RORA: variants seen among roughly 807,000 people sequenced by gnomAD.
The protein encoded by RORA is nuclear receptor ROR-alpha.
In RORA, 7 loss-of-function variants were observed where a neutral mutation model predicts 69.5. The ratio of observed to expected loss-of-function variants is 0.10; its 90% CI spans 0.06 to 0.19. RORA has a LOEUF of 0.19. RORA is among the 10% of genes least tolerant of loss of function. The pLI is 1.00. For missense variants in RORA, 457 were observed against 663.0 expected (o/e 0.69, Z 3.41); for synonymous variants, 261 against 240.8 (o/e 1.08, Z -0.78).
intron 1 of RORA, among the ~76,000 whole-genome samples, chr15:60,987,423 G>T (rs1413551461): frequency 6.6e-6 from 1 of 152,182 alleles, no homozygotes; most frequent in East Asian, 1.9e-4. Context: ...AGGTTGACCA[G>T]ATCTGAGATG....
chr15:60,627,167 G>T, intron 2 of RORA: 1 of 1,363,806 alleles, frequency 7.3e-7, no homozygotes, highest in Non-Finnish European at 1.0e-6. Flanking sequence ...GCCAGACATT[G>T]GGTTGTGGGT....
chr15:60,984,164 C>G (rs558238417), intron 1 of RORA, among the ~76,000 whole-genome samples: 2 of 152,102 alleles, frequency 1.3e-5, no homozygotes, highest in Non-Finnish European at 2.9e-5. Context: ...TTCTGATTCA[C>G]TTTATAAGAA....
chr15:60,898,727 A>C (rs1435095661), intron 1 of RORA, among the ~76,000 whole-genome samples: 5 of 152,064 alleles, frequency 3.3e-5, no homozygotes, highest in Admixed American at 1.3e-4. Flanking sequence ...GGAGGCAGGA[A>C]AGGCAGAACT....
At chr15:60,589,148 G>A (rs1299376869) in intron 2 of RORA, among the ~76,000 whole-genome samples, 5 of 152,324 alleles carry the variant, frequency 3.3e-5, no homozygotes. Context: ...TCCCAGTGAA[G>A]GGATACCAGG....
At chr15:60,588,520 A>G (rs1044218070) in intron 2 of RORA, among the ~76,000 whole-genome samples, 1 of 151,922 alleles carries the variant, frequency 6.6e-6, no homozygotes, top group Non-Finnish European at 1.5e-5. Flanking sequence ...TATAAATATT[A>G]TTTTCCTAGA....
chr15:60,987,926 A>G (rs1464122983), intron 1 of RORA, among the ~76,000 whole-genome samples: 1 of 152,152 alleles, frequency 6.6e-6, no homozygotes, highest in Non-Finnish European at 1.5e-5. Flanking sequence ...CTCCACACAG[A>G]AGGGGCTCAA....
chr15:61,195,771 T>C (rs1194335485), intron 1 of RORA: 2 of 152,250 alleles, frequency 1.3e-5, no homozygotes, highest in Non-Finnish European at 2.9e-5. Flanking sequence ...CACTAGTCAA[T>C]GAGTCACAGC....
In RORA at chr15:61,040,002, G is replaced by A. The variant is rs181546957; in HGVS notation, c.166+189051C>T. On this transcript the variant is annotated intron_variant, in intron 1 of 10. Transcript: ENST00000335670. ...TTTGGTAAAGAATTTGGGCCATTTTGTTGATGGTAGTTTTCCAATTACATT... is the reference window on the plus strand; with the variant it reads ...TTTGGTAAAGAATTTGGGCCATTTTATTGATGGTAGTTTTCCAATTACATT... Among the ~76,000 whole-genome samples the A allele has an allele frequency of 2.9e-3, 437 of 150,010 alleles. 2 individuals are homozygous for A. Among genetic ancestry groups the A allele is most frequent in the African/African-American group, 0.01 (418 of 40,894 alleles).
chr15:60,917,043 C>T lies in RORA; in HGVS notation c.167-238357G>A, dbSNP rs566069599. 2.6e-5 allele frequency among the ~76,000 whole-genome samples: 4 copies of T among 152,286 alleles called. No homozygotes were observed. In the South Asian group the frequency reaches 8.3e-4, roughly 32 times the overall value. Reference sequence around the variant, plus strand: ...AATCAAGCCTTGAAGAAGTATCCGGCTTCCAGAGCCCAAAACCCTCAACAG... The same window carrying T: ...AATCAAGCCTTGAAGAAGTATCCGGTTTCCAGAGCCCAAAACCCTCAACAG... On this transcript the variant is annotated intron_variant, in intron 1 of 10. Coordinates refer to ENST00000335670, the MANE Select transcript of RORA (RefSeq NM_134261.3).
chr15:60,607,082 G>A (rs960566796), intron 2 of RORA, among the ~76,000 whole-genome samples: 1 of 152,076 alleles, frequency 6.6e-6, no homozygotes, highest in African/African-American at 2.4e-5. Flanking sequence ...GCTCATAGGC[G>A]CAAAGAGAGA....
chr15:60,975,640 T>TTTCTGGGGCCCTCCAC (rs1246618336), intron 1 of RORA, among the ~76,000 whole-genome samples: 1 of 152,136 alleles, frequency 6.6e-6, no homozygotes, highest in Non-Finnish European at 1.5e-5. Flanking sequence ...CTAAGCTGGA[T>TTTCTGGGGCCCTCCAC]TTCTGGGGCC....
At chr15:60,635,922 C>T (rs1188971732) in intron 2 of RORA, among the ~76,000 whole-genome samples, 1 of 152,100 alleles carries the variant, frequency 6.6e-6, no homozygotes, top group Non-Finnish European at 1.5e-5. Context: ...ATTTTCAGTT[C>T]CTATATTTTC....
intron 1 of RORA, among the ~76,000 whole-genome samples, chr15:61,002,975 C>CA (rs59966691): frequency 0.49 from 56,691 of 116,872 alleles, 13,265 homozygotes; most frequent in Non-Finnish European, 0.57. Context: ...ACTAAAAATA[C>CA]AAAAAAAAAA....
At chr15:60,664,041 T>G (rs2070345604) in intron 2 of RORA, among the ~76,000 whole-genome samples, 1 of 152,176 alleles carries the variant, frequency 6.6e-6, no homozygotes, top group African/African-American at 2.4e-5. Context: ...GAGAAACGTA[T>G]CAACAGAATC....
chr15:60,633,531 C>A (rs1467389525), intron 2 of RORA, among the ~76,000 whole-genome samples: 5 of 152,156 alleles, frequency 3.3e-5, no homozygotes, highest in African/African-American at 1.2e-4. Context: ...TTAAATAGCC[C>A]CCTTCCTAAG....
intron 1 of RORA, among the ~76,000 whole-genome samples, chr15:61,092,573 C>A (rs1400145500): frequency 6.6e-6 from 1 of 152,220 alleles, no homozygotes; most frequent in Non-Finnish European, 1.5e-5. Context: ...ACACTGCATT[C>A]TTGCTGCCAA....
chr15:61,186,507 G>C (rs541190283), intron 1 of RORA, among the ~76,000 whole-genome samples: 1 of 152,058 alleles, frequency 6.6e-6, no homozygotes, highest in East Asian at 1.9e-4. Context: ...CTGGCATGGT[G>C]GTCCATGCTT....
chr15:60,867,573 A>ACAT (rs1431667643), intron 1 of RORA, among the ~76,000 whole-genome samples: 1 of 152,232 alleles, frequency 6.6e-6, no homozygotes, highest in Non-Finnish European at 1.5e-5. Context: ...TATTTGACCT[A>ACAT]CATCGCCCTT....
chr15:61,024,453 T>TTG (rs1895699571), intron 1 of RORA, among the ~76,000 whole-genome samples: 1 of 111,046 alleles, frequency 9.0e-6, no homozygotes, highest in African/African-American at 4.8e-5. Flanking sequence ...CCGGTAATGT[T>TTG]TTTTTTTTTT....
Sources: gnomAD v4.1 joint callset for allele counts (sites outside exome capture counted in the v4.1 genomes callset) on GRCh38, gnomAD v4.1.1 for gene constraint, MANE v1.5 for transcripts, NCBI Gene and HGNC (gene_info 2026-07-23, HGNC 2026-07-21) for gene names.